CSMD2: variants seen among roughly 807,000 people sequenced by gnomAD.
The protein encoded by CSMD2 is CUB and sushi domain-containing protein 2.
CSMD2 carries 130 observed loss-of-function variants against 398.5 expected under a neutral mutation model. The observed-to-expected ratio is 0.33, with a 90% CI of 0.28 to 0.38. The LOEUF is 0.38. Ranked by LOEUF, CSMD2 falls within the 10% of genes least tolerant of loss-of-function variation. The pLI, the probability that CSMD2 is intolerant of heterozygous loss-of-function variation, is 1.00. For missense variants in CSMD2, 3,829 were observed against 4,764.9 expected (o/e 0.80, Z 5.78); for synonymous variants, 1,828 against 1,908.5 (o/e 0.96, Z 1.10).
chr1:33,909,562 T>C lies in CSMD2; in HGVS notation c.920+8532A>G, dbSNP rs935630893. On this transcript the variant is annotated intron_variant, in intron 5 of 70. Transcript: ENST00000373381. ...ATTGCATTCCCAGTGCCAAGTTCAA[T>C]GTCAAGCAGGAGAAGGGCCTGAGTA... 1.6e-4 allele frequency among the ~76,000 whole-genome samples: 25 copies of C among 152,156 alleles called. No homozygotes were observed. In the East Asian group the frequency reaches 4.9e-3, roughly 30 times the overall value.
At chr1:33,598,154 C>T (rs149615534) in intron 44 of CSMD2, among the ~76,000 whole-genome samples, 98 of 152,254 alleles carry the variant, frequency 6.4e-4, no homozygotes, top group Non-Finnish European at 1.1e-3. Flanking sequence ...AGGAACAGAG[C>T]TTCAAAGGCT....
In CSMD2 at chr1:33,694,517, G is replaced by A. The variant is rs1487468549; in HGVS notation, c.3926-1461C>T. Among the ~76,000 whole-genome samples the A allele has an allele frequency of 3.3e-5, 5 of 152,056 alleles. 1 individual carries two copies. Among genetic ancestry groups the A allele is most frequent in the Admixed American group, 2.6e-4 (4 of 15,272 alleles). On this transcript the variant is annotated intron_variant, in intron 24 of 70. Transcript: ENST00000373381. Reference sequence around the variant, plus strand: ...GAGTGAGCTCTCACGAGATCTGATGGTTTTATAAGTTCCATCAGAACTTAT... The same window carrying A: ...GAGTGAGCTCTCACGAGATCTGATGATTTTATAAGTTCCATCAGAACTTAT...
At chr1:33,909,616 A>T (rs999783367) in intron 5 of CSMD2, among the ~76,000 whole-genome samples, 4 of 152,046 alleles carry the variant, frequency 2.6e-5, no homozygotes, top group Non-Finnish European at 5.9e-5. Flanking sequence ...ATGATGATGG[A>T]GAGATGCTGG....
At chr1:33,864,873 G>A in intron 5 of CSMD2, 1 of 802,590 alleles carries the variant, frequency 1.2e-6, no homozygotes, top group Non-Finnish European at 1.9e-6. Flanking sequence ...TGGTAGAGGA[G>A]AGACTGATCC....
intron 1 of CSMD2, among the ~76,000 whole-genome samples, chr1:34,160,557 A>G (rs75558656): frequency 0.016 from 2,493 of 152,298 alleles, 72 homozygotes; most frequent in African/African-American, 0.057. Flanking sequence ...TAGTCTTATC[A>G]GTCCTTGGAA....
chr1:33,683,254 A>T (rs1285717773), intron 25 of CSMD2, among the ~76,000 whole-genome samples: 1 of 152,154 alleles, frequency 6.6e-6, no homozygotes, highest in Non-Finnish European at 1.5e-5. Context: ...TCTATTGATC[A>T]TGCATATTTC....
intron 5 of CSMD2, chr1:33,869,392 A>G (rs1018998831): frequency 2.6e-5 from 4 of 152,186 alleles, no homozygotes; most frequent in African/African-American, 9.7e-5. Context: ...TGTGAATCCT[A>G]TCTCTGGGAT....
At chr1:33,994,526 C>T (rs1435542753) in intron 3 of CSMD2, among the ~76,000 whole-genome samples, 3 of 152,132 alleles carry the variant, frequency 2.0e-5, no homozygotes, top group Non-Finnish European at 4.4e-5. Context: ...CTTTAAGATC[C>T]ATGAAAGGAA....
chr1:33,765,574 T>C (rs1186395642), intron 13 of CSMD2, among the ~76,000 whole-genome samples: 1 of 152,216 alleles, frequency 6.6e-6, no homozygotes, highest in Non-Finnish European at 1.5e-5. Context: ...ACAAATTATA[T>C]TTTAAAAAAT....
intron 21 of CSMD2, among the ~76,000 whole-genome samples, chr1:33,712,395 T>C (rs531626394): frequency 6.6e-6 from 1 of 152,310 alleles, no homozygotes; most frequent in South Asian, 2.1e-4. Context: ...GAAATGTTCC[T>C]GGTAGCACTA....
chr1:33,809,863 C>T (rs1162416546), intron 10 of CSMD2, among the ~76,000 whole-genome samples: 1 of 151,708 alleles, frequency 6.6e-6, no homozygotes, highest in African/African-American at 2.4e-5. Context: ...TAAACACCAG[C>T]AAGAAACAAG....
rs866073603 is a variant in CSMD2, at chr1:33,876,992, C to T, written c.921-29996G>A. Among the ~76,000 whole-genome samples, 3 of 152,290 alleles carry T rather than the reference C, an allele frequency of 2.0e-5. 1 individual carries two copies. Among genetic ancestry groups the T allele is most frequent in the Middle Eastern group, 6.8e-3 (2 of 294 alleles). ...TAGTATTGCCTTATTAGTATTTCTA[C>T]ACCTTTCAGTAAGTAGTAGAGTCAG... On this transcript the variant is annotated intron_variant, in intron 5 of 70. Coordinates refer to ENST00000373381, the MANE Select transcript of CSMD2 (RefSeq NM_001281956.2).
chr1:33,605,275 G>A lies in CSMD2; in HGVS notation c.6532+7C>T, dbSNP rs753365327. Reference sequence around the variant, plus strand: ...GAAGAACTGCTGGGGATGAGGGAGCGACATACCTTCACACTTGGGCAGGGG... The same window carrying A: ...GAAGAACTGCTGGGGATGAGGGAGCAACATACCTTCACACTTGGGCAGGGG... On this transcript the variant is annotated splice_region_variant and intron_variant, in intron 42 of 70. Coordinates refer to ENST00000373381, the MANE Select transcript of CSMD2 (RefSeq NM_001281956.2). The A allele has an allele frequency of 1.1e-5, 17 of 1,613,194 alleles. No homozygotes were observed. Among genetic ancestry groups the A allele is most frequent in the East Asian group, 8.9e-5 (4 of 44,882 alleles).
chr1:34,124,617 G>A (rs1351639519), intron 1 of CSMD2, among the ~76,000 whole-genome samples: 1 of 152,114 alleles, frequency 6.6e-6, no homozygotes, highest in Non-Finnish European at 1.5e-5. Context: ...CACAGCATGG[G>A]GAGAAACAAG....
intron 40 of CSMD2, 72 bp from the exon 41 acceptor site, chr1:33,611,322 G>T: frequency 7.6e-7 from 1 of 1,319,396 alleles, no homozygotes. Context: ...CCTCATGAAA[G>T]CAGCTCCTGC....
At chr1:34,123,455 A>C (rs1286536178) in intron 1 of CSMD2, among the ~76,000 whole-genome samples, 1 of 152,144 alleles carries the variant, frequency 6.6e-6, no homozygotes, top group Non-Finnish European at 1.5e-5. Context: ...ATCCTTTATA[A>C]CAAACTGGTA....
chr1:33,617,061 C>T, intron 38 of CSMD2, 86 bp from the exon 39 acceptor site: 1 of 989,702 alleles, frequency 1.0e-6, no homozygotes, highest in Admixed American at 1.8e-5. Context: ...GGGTCTGGTT[C>T]AGGGGCCTCA....
intron 3 of CSMD2, among the ~76,000 whole-genome samples, chr1:33,982,409 T>TAG (rs778587723): frequency 6.6e-6 from 1 of 152,182 alleles, no homozygotes; most frequent in Non-Finnish European, 1.5e-5. Flanking sequence ...TACCTTCTAG[T>TAG]AGTTTGTCCT....
chr1:33,842,064 G>A, intron 6 of CSMD2, among the ~76,000 whole-genome samples: 1 of 152,018 alleles, frequency 6.6e-6, no homozygotes, highest in Non-Finnish European at 1.5e-5. Flanking sequence ...CAGAATCAAT[G>A]TGTCCCAAGC....
Sources: allele counts gnomAD v4.1 joint callset (sites outside exome capture counted in the v4.1 genomes callset), GRCh38; gene constraint gnomAD v4.1.1; transcripts MANE v1.5; gene names NCBI Gene and HGNC (gene_info 2026-07-23, HGNC 2026-07-21).